The following MACROD2 variants were observed in gnomAD, a reference collection of about 807,000 sequenced individuals.
The protein encoded by MACROD2 is mono-ADP ribosylhydrolase 2, also known as ADP-ribose glycohydrolase MACROD2.
In MACROD2, 36 loss-of-function variants were observed where a neutral mutation model predicts 70.4. The observed-to-expected ratio is 0.51, with a 90% CI of 0.39 to 0.68. The LOEUF (loss-of-function observed/expected upper bound fraction) is 0.68, where lower values mean the gene tolerates loss of function less well. Ranked by LOEUF, MACROD2 falls within the 30% of genes least tolerant of loss-of-function variation. The pLI is 0.00. For missense variants in MACROD2, 496 were observed against 538.4 expected (o/e 0.92, Z 0.78); for synonymous variants, 172 against 178.8 (o/e 0.96, Z 0.30).
At chr20:15,752,047 T>C (rs921766075) in intron 8 of MACROD2, among the ~76,000 whole-genome samples, 3 of 151,988 alleles carry the variant, frequency 2.0e-5, no homozygotes, top group South Asian at 2.1e-4. Flanking sequence ...ACTTGGAGTA[T>C]AATTATTTAG....
At chr20:14,302,976 A>G (rs1243940944) in intron 3 of MACROD2, among the ~76,000 whole-genome samples, 2 of 152,104 alleles carry the variant, frequency 1.3e-5, no homozygotes, top group Non-Finnish European at 2.9e-5. Context: ...AAGTGGTGAA[A>G]GTATAAAATT....
chr20:14,442,952 G>A (rs993110091), intron 3 of MACROD2, among the ~76,000 whole-genome samples: 3 of 151,918 alleles, frequency 2.0e-5, no homozygotes, highest in South Asian at 2.1e-4. Context: ...GGTGGCGGGC[G>A]CCTGTAGTCC....
At chr20:14,498,896 G>T (rs188037488) in intron 4 of MACROD2, among the ~76,000 whole-genome samples, 15 of 152,174 alleles carry the variant, frequency 9.9e-5, no homozygotes, top group Non-Finnish European at 1.8e-4. Flanking sequence ...ATTCTGTTTC[G>T]CTCTTGTTAA....
intron 8 of MACROD2, among the ~76,000 whole-genome samples, chr20:15,672,903 G>A (rs1400255033): frequency 6.6e-6 from 1 of 152,140 alleles, no homozygotes; most frequent in Non-Finnish European, 1.5e-5. Flanking sequence ...CTGTTCTTGT[G>A]ACAGTGAATA....
chr20:15,290,037 C>G (rs975478419), intron 6 of MACROD2, among the ~76,000 whole-genome samples: 4 of 152,068 alleles, frequency 2.6e-5, no homozygotes, highest in African/African-American at 4.8e-5. Flanking sequence ...TCTGTTTACT[C>G]ATACATAACA....
At chr20:15,306,066 C>T (rs1033037353) in intron 6 of MACROD2, among the ~76,000 whole-genome samples, 3 of 152,132 alleles carry the variant, frequency 2.0e-5, no homozygotes, top group Non-Finnish European at 4.4e-5. Flanking sequence ...TAGCTAGTTT[C>T]CTGCTGATAG....
chr20:14,242,620 A>G (rs1228160970), intron 3 of MACROD2, among the ~76,000 whole-genome samples: 1 of 152,160 alleles, frequency 6.6e-6, no homozygotes, highest in Non-Finnish European at 1.5e-5. Context: ...TTACCCAATT[A>G]TTTTCCTTTA....
intron 4 of MACROD2, among the ~76,000 whole-genome samples, chr20:14,605,827 T>C (rs1982764790): frequency 1.3e-5 from 2 of 152,046 alleles, no homozygotes; most frequent in South Asian, 2.1e-4. Context: ...ATCCTTGAGA[T>C]ACATTAAAAA....
intron 8 of MACROD2, among the ~76,000 whole-genome samples, chr20:15,778,594 T>C (rs2051772269): frequency 6.6e-6 from 1 of 152,080 alleles, no homozygotes; most frequent in Non-Finnish European, 1.5e-5. Flanking sequence ...ATGAATTTTA[T>C]TTACCTGTGT....
intron 5 of MACROD2, among the ~76,000 whole-genome samples, chr20:14,909,674 C>T (rs1032506312): frequency 3.9e-5 from 6 of 151,994 alleles, no homozygotes; most frequent in African/African-American, 1.4e-4. Flanking sequence ...AATAAACCTT[C>T]CAGTTCTAAC....
chr20:15,559,344 G>C (rs2048212715), intron 8 of MACROD2, among the ~76,000 whole-genome samples: 1 of 151,418 alleles, frequency 6.6e-6, no homozygotes, highest in South Asian at 2.1e-4. Flanking sequence ...ATAAAGAATA[G>C]TCATGATTAA....
intron 16 of MACROD2, among the ~76,000 whole-genome samples, chr20:16,044,197 C>A (rs2067346654): frequency 1.3e-5 from 2 of 152,096 alleles, no homozygotes; most frequent in South Asian, 4.2e-4. Context: ...AGACTAGAAG[C>A]AAGACTAGAA....
chr20:15,946,843 A>G (rs574746742), intron 12 of MACROD2, among the ~76,000 whole-genome samples: 131 of 152,310 alleles, frequency 8.6e-4, no homozygotes, highest in African/African-American at 3.1e-3. Flanking sequence ...CTCAGTATTT[A>G]TTAATTACTA....
chr20:15,659,960 G>A (rs569290300), intron 8 of MACROD2, among the ~76,000 whole-genome samples: 4 of 152,092 alleles, frequency 2.6e-5, no homozygotes, highest in Non-Finnish European at 4.4e-5. Flanking sequence ...TACTTTGCTC[G>A]AGTAATATAT....
intron 8 of MACROD2, among the ~76,000 whole-genome samples, chr20:15,510,504 A>T (rs2047484653): frequency 6.6e-6 from 1 of 152,108 alleles, no homozygotes; most frequent in African/African-American, 2.4e-5. Flanking sequence ...GAAGTAAATG[A>T]TTTGCTTGTT....
rs573998485 is a variant in MACROD2, at chr20:15,319,440, G to A, written c.540+89379G>A. 9.9e-5 allele frequency among the ~76,000 whole-genome samples: 15 copies of A among 152,172 alleles called. No individual in the cohort carries two copies. The East Asian group carries it at 2.9e-3, about 29-fold the overall frequency. Reference sequence around the variant, plus strand: ...ACAATTCCAATTGTCCTTTTTTGCAGAAATGAGAAAGTCACCTACTAGAAT... The same window carrying A: ...ACAATTCCAATTGTCCTTTTTTGCAAAAATGAGAAAGTCACCTACTAGAAT... On this transcript the variant is annotated intron_variant, in intron 6 of 17. Transcript: ENST00000684519.
chr20:14,045,814 A>C (rs1252305028), intron 2 of MACROD2, among the ~76,000 whole-genome samples: 1 of 152,178 alleles, frequency 6.6e-6, no homozygotes, highest in Non-Finnish European at 1.5e-5. Context: ...AATACTGTTA[A>C]GAAATACCAG....
At chr20:14,657,830 A>G (rs1986047805) in intron 4 of MACROD2, among the ~76,000 whole-genome samples, 1 of 152,202 alleles carries the variant, frequency 6.6e-6, no homozygotes, top group African/African-American at 2.4e-5. Context: ...CTCTGCCAAT[A>G]AGTAAAGCCA....
rs146751198 is a variant in MACROD2 at position 15,929,409 on chromosome 20, C to T, written c.776-3867C>T. Among the ~76,000 whole-genome samples the T allele has an allele frequency of 2.7e-4, 41 of 150,666 alleles. No homozygotes were observed. The East Asian group carries it at 6.3e-3, about 23-fold the overall frequency. On this transcript the variant is annotated intron_variant, in intron 10 of 17. Transcript: ENST00000684519. ...CAATGGCATGGAAATATTCTCTGCT[C>T]ACAGTGGGAGGACACTGATTTTATA...
Sources: gnomAD v4.1 joint callset for allele counts (sites outside exome capture counted in the v4.1 genomes callset) on GRCh38, gnomAD v4.1.1 for gene constraint, MANE v1.5 for transcripts, NCBI Gene and HGNC (gene_info 2026-07-23, HGNC 2026-07-21) for gene names.